The following FHIT variants were observed in gnomAD, a reference collection of about 807,000 sequenced individuals.
The protein encoded by FHIT is bis(5'-adenosyl)-triphosphatase.
FHIT carries 19 observed loss-of-function variants against 17.9 expected under a neutral mutation model. The observed-to-expected ratio is 1.06, with a 90% CI of 0.74 to 1.56. The LOEUF (loss-of-function observed/expected upper bound fraction) is 1.56. Ranked by LOEUF, FHIT falls within the 40% of genes most tolerant of loss-of-function variation. FHIT has a pLI of 0.00. For synonymous variants in FHIT, 81 were observed against 69.7 expected (o/e 1.16, Z -0.81); for missense variants, 248 against 189.2 (o/e 1.31, Z -1.82).
At chr3:60,280,375 G>A (rs573422497) in intron 5 of FHIT, among the ~76,000 whole-genome samples, 1 of 152,258 alleles carries the variant, frequency 6.6e-6, no homozygotes, top group African/African-American at 2.4e-5. Context: ...ACATGAAAAT[G>A]TTACCTTCTT....
intron 8 of FHIT, among the ~76,000 whole-genome samples, chr3:59,756,314 C>T (rs1482361604): frequency 6.6e-6 from 1 of 152,164 alleles, no homozygotes; most frequent in African/African-American, 2.4e-5. Flanking sequence ...AATGTACCTC[C>T]TTCAGCTCTA....
At chr3:60,952,024 G>C (rs1708906504) in intron 3 of FHIT, among the ~76,000 whole-genome samples, 1 of 151,904 alleles carries the variant, frequency 6.6e-6, no homozygotes, top group South Asian at 2.1e-4. Flanking sequence ...AAATTAGCTG[G>C]GCATGGTGGC....
intron 1 of FHIT, among the ~76,000 whole-genome samples, chr3:61,226,555 G>T (rs545492054): frequency 6.6e-6 from 1 of 152,196 alleles, no homozygotes; most frequent in South Asian, 2.1e-4. Flanking sequence ...CCACAGCAAT[G>T]AGATACAATC....
chr3:60,046,569 G>A (rs1257646188), intron 5 of FHIT, among the ~76,000 whole-genome samples: 1 of 152,012 alleles, frequency 6.6e-6, no homozygotes, highest in Non-Finnish European at 1.5e-5. Context: ...AATTTAGGGG[G>A]AAAAATAAAA....
intron 3 of FHIT, among the ~76,000 whole-genome samples, chr3:60,923,335 A>AT (rs1707385992): frequency 6.6e-6 from 1 of 152,066 alleles, no homozygotes; most frequent in Admixed American, 6.5e-5. Flanking sequence ...TGCCATAACC[A>AT]TTTTTCTTCA....
intron 3 of FHIT, among the ~76,000 whole-genome samples, chr3:60,830,093 T>C (rs958025721): frequency 6.6e-6 from 1 of 151,958 alleles, no homozygotes; most frequent in Non-Finnish European, 1.5e-5. Context: ...CATACCCTTC[T>C]TTTTTTTCTT....
chr3:60,816,125 T>A (rs1365423536), intron 4 of FHIT, among the ~76,000 whole-genome samples: 3 of 152,094 alleles, frequency 2.0e-5, no homozygotes, highest in Non-Finnish European at 4.4e-5. Context: ...GTTTCTGAGT[T>A]CTAGGAGGCT....
chr3:60,972,558 C>CT (rs35873241), intron 3 of FHIT, among the ~76,000 whole-genome samples: 3,812 of 142,862 alleles, frequency 0.027, 140 homozygotes, highest in African/African-American at 0.087. Flanking sequence ...TTTTATTTGG[C>CT]TTTTTTTTTT....
At chr3:59,899,661 C>G (rs991437266) in intron 8 of FHIT, among the ~76,000 whole-genome samples, 1 of 151,674 alleles carries the variant, frequency 6.6e-6, no homozygotes, top group African/African-American at 2.4e-5. Context: ...TGGCGAAACC[C>G]CGTCTGTACT....
At chr3:59,871,721 A>T (rs1702933223) in intron 8 of FHIT, among the ~76,000 whole-genome samples, 1 of 152,220 alleles carries the variant, frequency 6.6e-6, no homozygotes, top group Non-Finnish European at 1.5e-5. Context: ...GACCAGATAC[A>T]CTGGATACCC....
intron 3 of FHIT, among the ~76,000 whole-genome samples, chr3:61,029,038 A>C (rs2032878572): frequency 6.6e-6 from 1 of 152,190 alleles, no homozygotes; most frequent in Non-Finnish European, 1.5e-5. Flanking sequence ...AGAATGGTTC[A>C]AATATACACT....
At chr3:60,918,425 C>A (rs1211020000) in intron 3 of FHIT, among the ~76,000 whole-genome samples, 1 of 152,096 alleles carries the variant, frequency 6.6e-6, no homozygotes, top group Non-Finnish European at 1.5e-5. Context: ...AGTTTAGAGA[C>A]AAAAACTTGC....
chr3:59,845,353 T>C (rs1293998011), intron 8 of FHIT, among the ~76,000 whole-genome samples: 2 of 152,072 alleles, frequency 1.3e-5, no homozygotes, highest in African/African-American at 4.8e-5. Context: ...TGCGTTATTT[T>C]TCTAGTTTCT....
chr3:61,096,702 C>T lies in FHIT; in HGVS notation c.-163-54603G>A, dbSNP rs183169185. On this transcript the variant is annotated intron_variant, in intron 2 of 9. Transcript: ENST00000492590. The stretch of plus-strand genomic sequence containing the variant: ...CTCATTGATAGTGAGGTAGCAATGC[C>T]TGACAAAAGTAGATGTTCATGCTTT... 3.9e-3 allele frequency among the ~76,000 whole-genome samples: 593 copies of T among 152,248 alleles called. 2 individuals are homozygous for T. The highest frequency in any genetic ancestry group is 0.013 in the African/African-American group (560 of 41,524).
At chr3:60,976,555 A>AC (rs1461483667) in intron 3 of FHIT, among the ~76,000 whole-genome samples, 1 of 152,218 alleles carries the variant, frequency 6.6e-6, no homozygotes, top group Non-Finnish European at 1.5e-5. Context: ...TTCTAATGAG[A>AC]CAAAGAGGTA....
At chr3:60,849,308 G>A (rs1703047372) in intron 3 of FHIT, among the ~76,000 whole-genome samples, 1 of 151,820 alleles carries the variant, frequency 6.6e-6, no homozygotes, top group Non-Finnish European at 1.5e-5. Context: ...CAACGTAGAT[G>A]TGTGATTATA....
chr3:60,361,237 A>G (rs1232678524), intron 5 of FHIT, among the ~76,000 whole-genome samples: 1 of 152,238 alleles, frequency 6.6e-6, no homozygotes, highest in East Asian at 1.9e-4. Context: ...ACAATGCTAT[A>G]AAGAAGAGAT....
In FHIT at chr3:60,929,849, T is replaced by C. The variant is rs1288130635; in HGVS notation, c.-110-107838A>G. 6.6e-5 allele frequency among the ~76,000 whole-genome samples: 10 copies of C among 152,126 alleles called. No homozygotes were observed. In the East Asian group the frequency reaches 1.2e-3, roughly 18 times the overall value. ...GCTACCAATGACTTCCTTCACAGAA[T>C]TGGAAAAAACTACCTTAAAGTTCAC... On this transcript the variant is annotated intron_variant, in intron 3 of 9. Coordinates refer to ENST00000492590, the MANE Select transcript of FHIT (RefSeq NM_002012.4).
At chr3:61,151,175 TC>T (rs1476549100) in intron 2 of FHIT, among the ~76,000 whole-genome samples, 8 of 152,206 alleles carry the variant, frequency 5.3e-5, no homozygotes, top group African/African-American at 1.7e-4. Flanking sequence ...CATTCCCTAT[TC>T]CCTGTGGCCT....
Sources: gnomAD v4.1 joint callset for allele counts (sites outside exome capture counted in the v4.1 genomes callset) on GRCh38, gnomAD v4.1.1 for gene constraint, MANE v1.5 for transcripts, NCBI Gene and HGNC (gene_info 2026-07-23, HGNC 2026-07-21) for gene names.